FXYD5: variants seen among roughly 807,000 people sequenced by gnomAD.
FXYD5 encodes the protein FXYD domain containing ion transport regulator 5, also known as FXYD domain-containing ion transport regulator 5.
In FXYD5, 21 loss-of-function variants were observed where a neutral mutation model predicts 25.7. The ratio of observed to expected loss-of-function variants is 0.82; its 90% CI spans 0.58 to 1.18. The LOEUF (loss-of-function observed/expected upper bound fraction) is 1.18, where lower values mean the gene tolerates loss of function less well. Among genes scored for constraint, FXYD5 ranks in the 50% most tolerant of loss-of-function variants. The pLI, the probability that FXYD5 is intolerant of heterozygous loss-of-function variation, is 0.00. For missense variants in FXYD5, 229 were observed against 227.7 expected (o/e 1.01, Z -0.04); for synonymous variants, 101 against 90.7 (o/e 1.11, Z -0.64).
Position 35,155,483 on chromosome 19 carries a change from C to T in FXYD5, c.1-68C>T, listed in dbSNP as rs1296462034. The T allele has an allele frequency of 1.9e-5, 25 of 1,291,814 alleles. No individual in the cohort carries two copies. In the South Asian group the frequency reaches 2.6e-4, roughly 13 times the overall value. 80.0% of individuals were successfully genotyped at this position (1,291,814 alleles called of 1,614,324 possible). A position where few individuals can be genotyped will look rare whatever the true frequency, so the allele number is the denominator to read the frequency against. On this transcript the variant is annotated intron_variant, in intron 1 of 8. Transcript: ENST00000392219. ...CAGGGCAGGGAAAGGGCTGCAGGAT[C>T]CCCGGGGGCTGCCGGAGGTCGGTCT...
At chr19:35,160,170 C>T (rs1225360045) in intron 4 of FXYD5, among the ~76,000 whole-genome samples, 1 of 152,210 alleles carries the variant, frequency 6.6e-6, no homozygotes, top group Non-Finnish European at 1.5e-5. Flanking sequence ...GATTGCACCA[C>T]TGCACTCCAG....
intron 8 of FXYD5, 149 bp downstream of exon 8, chr19:35,166,474 G>T: frequency 3.5e-6 from 2 of 576,842 alleles, no homozygotes; most frequent in South Asian, 2.4e-5. Context: ...AGAATTCAGT[G>T]GTTTAAAATA....
At chr19:35,169,144 A>G (rs2065476292) in intron 8 of FXYD5, among the ~76,000 whole-genome samples, 1 of 151,470 alleles carries the variant, frequency 6.6e-6, no homozygotes, top group African/African-American at 2.4e-5. Flanking sequence ...CTGGGCCTCC[A>G]TGCCTCCTTC....
At chr19:35,165,265 T>C (rs956494032) in intron 6 of FXYD5, among the ~76,000 whole-genome samples, 2 of 152,230 alleles carry the variant, frequency 1.3e-5, no homozygotes, top group Non-Finnish European at 2.9e-5. Flanking sequence ...TGCCTGTTTT[T>C]ATGGTTGTTT....
At chr19:35,169,488 T>C in intron 8 of FXYD5, 78 bp from the exon 9 acceptor site, 1 of 1,086,320 alleles carries the variant, frequency 9.2e-7, no homozygotes, top group South Asian at 1.2e-5. Flanking sequence ...TTGATCAATC[T>C]GGTTCCCCAG....
At chr19:35,168,373 A>G (rs1347904020) in intron 8 of FXYD5, among the ~76,000 whole-genome samples, 1 of 152,146 alleles carries the variant, frequency 6.6e-6, no homozygotes, top group African/African-American at 2.4e-5. Context: ...GTGGGGAGAG[A>G]AGCCCTCCCT....
Position 35,166,258 on chromosome 19 carries a change from C to T in FXYD5, c.420C>T (p.His140=), listed in dbSNP as rs201399482. ...HEDDPFFYDE[H]TLRKRGLLVA... is the part of the protein sequence containing the mutation. The stretch of plus-strand genomic sequence containing the variant: ...TCATTTTTCTCTCTGCAGATGAACA[C>T]ACCCTCCGGAAACGGGGGCTGTTGG... Residue 140 remains histidine (H), a synonymous_variant, in exon 8 of 9, where the codon CAC becomes CAT. Coordinates refer to ENST00000392219, the MANE Select transcript of FXYD5 (RefSeq NM_014164.6). The T allele has an allele frequency of 2.2e-5, 36 of 1,612,390 alleles. No homozygotes were observed. The highest frequency in any genetic ancestry group is 2.9e-5 in the Non-Finnish European group (34 of 1,178,616).
At chr19:35,157,552 G>A (rs1206442402) in intron 3 of FXYD5, 51 bp downstream of exon 3, 2 of 949,308 alleles carry the variant, frequency 2.1e-6, no homozygotes, top group African/African-American at 1.6e-5. Flanking sequence ...AATAACAACA[G>A]CAACAAAAAT....
chr19:35,164,900 A>G (rs866712455), intron 6 of FXYD5, among the ~76,000 whole-genome samples: 4 of 152,256 alleles, frequency 2.6e-5, no homozygotes, highest in Non-Finnish European at 5.9e-5. Context: ...TCAACTTGCT[A>G]TCAAGAAAAG....
intron 8 of FXYD5, 64 bp downstream of exon 8, chr19:35,166,389 G>A (rs1413846495): frequency 9.0e-7 from 1 of 1,109,590 alleles, no homozygotes; most frequent in Non-Finnish European, 1.3e-6. Context: ...ACGGAGGGCT[G>A]GGTTCTCAAA....
rs908626944 is a variant in FXYD5 at position 35,159,479 on chromosome 19, C to T, written c.199+1079C>T. The T allele has an allele frequency of 5.2e-6, 8 of 1,547,570 alleles. No homozygotes were observed. In the African/African-American group the frequency reaches 9.6e-5, roughly 19 times the overall value. On this transcript the variant is annotated intron_variant, in intron 4 of 8. Transcript: ENST00000392219. ...TTCTTCTCACATCACTGCATAAAGA[C>T]TTGTTTTGTTTTCTCTCCTGCCTGG...
intron 8 of FXYD5, chr19:35,166,596 G>C (rs1338801405): frequency 2.2e-6 from 1 of 445,980 alleles, no homozygotes; most frequent in Non-Finnish European, 3.9e-6. Flanking sequence ...TTCAGTTGTG[G>C]GTCAGCAGGA....
At chr19:35,157,652 T>C (rs1437636015) in intron 3 of FXYD5, 151 bp downstream of exon 3, 1 of 546,138 alleles carries the variant, frequency 1.8e-6, no homozygotes, top group African/African-American at 1.9e-5. Flanking sequence ...ATCTAGGTGC[T>C]CAAATGATGC....
intron 5 of FXYD5, among the ~76,000 whole-genome samples, chr19:35,161,459 ATCTT>A (rs1468461529): frequency 1.3e-5 from 2 of 152,138 alleles, no homozygotes; most frequent in Non-Finnish European, 2.9e-5. Context: ...AGAGAACAAA[ATCTT>A]TCCCATTATT....
chr19:35,156,072 C>T (rs535295234), intron 2 of FXYD5, among the ~76,000 whole-genome samples: 4 of 152,310 alleles, frequency 2.6e-5, no homozygotes, highest in Admixed American at 1.3e-4. Context: ...GGGTATTGAT[C>T]GTTCTTTCTG....
At chr19:35,155,976 A>G (rs1270312531) in intron 2 of FXYD5, among the ~76,000 whole-genome samples, 1 of 152,240 alleles carries the variant, frequency 6.6e-6, no homozygotes, top group Non-Finnish European at 1.5e-5. Context: ...AGTTAGGCAA[A>G]GCTGTTGAGC....
At chr19:35,162,134 G>A (rs150572013) in intron 5 of FXYD5, among the ~76,000 whole-genome samples, 2 of 152,316 alleles carry the variant, frequency 1.3e-5, no homozygotes, top group East Asian at 3.9e-4. Context: ...GCTGACCTGA[G>A]TTGCTCTATG....
Position 35,169,784 on chromosome 19 carries a change from C to T in FXYD5, c.*169C>T, listed in dbSNP as rs1182826432. The T allele has an allele frequency of 8.9e-5, 55 of 614,694 alleles. No homozygotes were observed. Among genetic ancestry groups the T allele is most frequent in the South Asian group, 1.9e-5 (1 of 52,294 alleles). 38.1% of individuals were successfully genotyped at this position (614,694 alleles called of 1,614,324 possible). On this transcript the variant is annotated 3_prime_UTR_variant, in exon 9 of 9. Coordinates refer to ENST00000392219, the MANE Select transcript of FXYD5 (RefSeq NM_014164.6). ...GCCGGTCCGAGTCTCCTACCTCCCC[C>T]AACCCTGCCCGCCCCTGAAGGCTAC...
chr19:35,156,824 C>G (rs1368300800), intron 2 of FXYD5: 1 of 152,894 alleles, frequency 6.5e-6, no homozygotes, highest in Non-Finnish European at 1.5e-5. Context: ...CAGGTGGTCC[C>G]AGGCTCCCTC....
Sources: gnomAD v4.1 joint callset for allele counts (sites outside exome capture counted in the v4.1 genomes callset) on GRCh38, gnomAD v4.1.1 for gene constraint, MANE v1.5 for transcripts, NCBI Gene and HGNC (gene_info 2026-07-23, HGNC 2026-07-21) for gene names.